SOX6: variants seen among roughly 807,000 people sequenced by gnomAD.
SOX6 encodes the protein SRY-box transcription factor 6, also known as transcription factor SOX-6.
SOX6 carries 11 observed loss-of-function variants against 97.8 expected under a neutral mutation model. The ratio of observed to expected loss-of-function variants is 0.11; its 90% CI spans 0.07 to 0.19. The LOEUF (loss-of-function observed/expected upper bound fraction) is 0.19. Ranked by LOEUF, SOX6 falls within the 10% of genes least tolerant of loss-of-function variation. The pLI is 1.00. For synonymous variants in SOX6, 360 were observed against 371.4 expected (o/e 0.97, Z 0.35); for missense variants, 810 against 1,039.5 (o/e 0.78, Z 3.04).
At chr11:16,314,247 T>C (rs547552958) in intron 3 of SOX6, 2 of 152,318 alleles carry the variant, frequency 1.3e-5, no homozygotes, top group African/African-American at 4.8e-5. Flanking sequence ...CCTGAACTAT[T>C]GGCCGTTTTA....
intron 1 of SOX6, among the ~76,000 whole-genome samples, chr11:16,382,739 G>C (rs563806604): frequency 4.0e-5 from 6 of 151,810 alleles, no homozygotes; most frequent in Non-Finnish European, 7.4e-5. Context: ...AGGTGTTTTT[G>C]TGCTTAGATC....
chr11:16,026,546 T>C (rs1338205766), intron 12 of SOX6, among the ~76,000 whole-genome samples: 1 of 152,184 alleles, frequency 6.6e-6, no homozygotes, highest in Non-Finnish European at 1.5e-5. Context: ...CCAGAATACA[T>C]CTCTTTTTGT....
chr11:16,064,271 G>A (rs976880069), intron 9 of SOX6, among the ~76,000 whole-genome samples: 1 of 151,576 alleles, frequency 6.6e-6, no homozygotes, highest in Non-Finnish European at 1.5e-5. Flanking sequence ...ATTGAGGGGG[G>A]CTTTAAATTG....
intron 2 of SOX6, among the ~76,000 whole-genome samples, chr11:16,336,275 T>G (rs1856456589): frequency 6.6e-6 from 1 of 152,128 alleles, no homozygotes; most frequent in Non-Finnish European, 1.5e-5. Flanking sequence ...AGTTGCTTCT[T>G]AGGCAAAAAG....
At chr11:16,106,768 T>C (rs555352724) in intron 7 of SOX6, among the ~76,000 whole-genome samples, 7 of 151,992 alleles carry the variant, frequency 4.6e-5, no homozygotes, top group Non-Finnish European at 1.0e-4. Flanking sequence ...TTAAGAACTT[T>C]AGTGTATAAA....
chr11:16,160,193 A>T (rs1221257578), intron 6 of SOX6, among the ~76,000 whole-genome samples: 1 of 152,200 alleles, frequency 6.6e-6, no homozygotes, highest in Non-Finnish European at 1.5e-5. Flanking sequence ...GATTGGGCAG[A>T]GGAAGAAATT....
At position 16,501,269 on chromosome 11, in the gene SOX6, T is replaced by G. The variant is rs549011888; in HGVS notation, n.610-24881A>C. 8.8e-3 allele frequency among the ~76,000 whole-genome samples: 1,342 copies of G among 152,216 alleles called. 11 individuals carry two copies. The highest frequency in any genetic ancestry group is 0.011 in the Non-Finnish European group (743 of 67,992). ...ACTGGCTAGCCATATGTAGAAAGCTTAAACTGGATCCCTTCCTTACACCTT... is the reference window on the plus strand; with the variant it reads ...ACTGGCTAGCCATATGTAGAAAGCTGAAACTGGATCCCTTCCTTACACCTT... On this transcript the variant is annotated intron_variant and non_coding_transcript_variant, in intron 4 of 5. Transcript: ENST00000524520.
At chr11:16,612,854 A>C (rs1027080034) in intron 3 of SOX6, among the ~76,000 whole-genome samples, 1 of 152,088 alleles carries the variant, frequency 6.6e-6, no homozygotes, top group African/African-American at 2.4e-5. Flanking sequence ...CTGCAGCACC[A>C]ATACCTAAGA....
intron 4 of SOX6, among the ~76,000 whole-genome samples, chr11:16,589,427 A>C (rs942737583): frequency 8.5e-5 from 13 of 152,246 alleles, no homozygotes; most frequent in African/African-American, 2.9e-4. Context: ...GAATGATTGT[A>C]GATAATATAA....
chr11:16,535,089 T>C (rs1478547819), intron 4 of SOX6, among the ~76,000 whole-genome samples: 1 of 152,182 alleles, frequency 6.6e-6, no homozygotes, highest in Non-Finnish European at 1.5e-5. Context: ...AGGGCAGTAG[T>C]ACATTGTTAG....
At chr11:16,204,623 T>C (rs1189879050) in intron 4 of SOX6, among the ~76,000 whole-genome samples, 1 of 152,162 alleles carries the variant, frequency 6.6e-6, no homozygotes, top group Non-Finnish European at 1.5e-5. Context: ...ATTTGTTCTC[T>C]ACTATATTTC....
chr11:16,246,391 C>G (rs187131530), intron 3 of SOX6, among the ~76,000 whole-genome samples: 3 of 151,750 alleles, frequency 2.0e-5, no homozygotes, highest in African/African-American at 7.2e-5. Flanking sequence ...GTATTATTTT[C>G]TTCAGCCTGA....
intron 4 of SOX6, among the ~76,000 whole-genome samples, chr11:16,523,038 T>G (rs531497924): frequency 6.6e-6 from 1 of 152,260 alleles, no homozygotes; most frequent in East Asian, 1.9e-4. Context: ...AATGGGAGAC[T>G]TTAACACCCC....
chr11:16,365,909 T>C (rs528127454), intron 1 of SOX6, among the ~76,000 whole-genome samples: 27 of 152,182 alleles, frequency 1.8e-4, no homozygotes, highest in Non-Finnish European at 2.1e-4. Flanking sequence ...GAGAAAAGGA[T>C]ATATTTCTGG....
intron 12 of SOX6, among the ~76,000 whole-genome samples, chr11:16,035,199 A>G (rs1351421159): frequency 6.6e-6 from 1 of 152,188 alleles, no homozygotes; most frequent in East Asian, 1.9e-4. Context: ...ATCAGGACAC[A>G]TGGGCAGGGA....
chr11:16,110,434 C>G (rs1460456569), intron 7 of SOX6: 1 of 151,810 alleles, frequency 6.6e-6, no homozygotes, highest in Non-Finnish European at 1.5e-5. Context: ...AAAAAATATA[C>G]TCCTGTCCTT....
At chr11:16,599,752 T>G (rs1247893066) in intron 4 of SOX6, among the ~76,000 whole-genome samples, 1 of 152,182 alleles carries the variant, frequency 6.6e-6, no homozygotes, top group Non-Finnish European at 1.5e-5. Flanking sequence ...TTTAATGTGG[T>G]TTATTAGTTT....
intron 3 of SOX6, among the ~76,000 whole-genome samples, chr11:16,239,502 C>T (rs1299054409): frequency 3.3e-5 from 5 of 152,064 alleles, no homozygotes; most frequent in African/African-American, 1.2e-4. Context: ...CACTAACAAA[C>T]TCTAGATAAA....
At chr11:16,495,905 C>T (rs9971473) in intron 4 of SOX6, among the ~76,000 whole-genome samples, 122 of 152,276 alleles carry the variant, frequency 8.0e-4, no homozygotes, top group African/African-American at 2.8e-3. Context: ...CTGTCTCCAA[C>T]AAAATATCAC....
Sources: allele counts gnomAD v4.1 joint callset (sites outside exome capture counted in the v4.1 genomes callset), GRCh38; gene constraint gnomAD v4.1.1; transcripts MANE v1.5; gene names NCBI Gene and HGNC (gene_info 2026-07-23, HGNC 2026-07-21).